CCDC141: variants seen among roughly 807,000 people sequenced by gnomAD.
The protein encoded by CCDC141 is coiled-coil domain-containing protein 141.
Under a neutral mutation model 181.0 loss-of-function variants are expected in CCDC141, and 168 were observed. The ratio of observed to expected loss-of-function variants is 0.93; its 90% CI spans 0.82 to 1.05. CCDC141 has a LOEUF of 1.05. Ranked by LOEUF, CCDC141 falls within the 50% of genes least tolerant of loss-of-function variation. The pLI is 0.00. For missense variants in CCDC141, 1,902 were observed against 1,788.5 expected (o/e 1.06, Z -1.14); for synonymous variants, 666 against 642.3 (o/e 1.04, Z -0.56).
At chr2:178,990,179 A>G (rs1691981388) in intron 2 of CCDC141, among the ~76,000 whole-genome samples, 1 of 151,752 alleles carries the variant, frequency 6.6e-6, no homozygotes, top group Non-Finnish European at 1.5e-5. Context: ...GAAAAATAAC[A>G]ATTGTTGGCA....
At chr2:178,916,836 A>T (rs767299135) in intron 7 of CCDC141, among the ~76,000 whole-genome samples, 41 of 152,192 alleles carry the variant, frequency 2.7e-4, no homozygotes, top group Non-Finnish European at 4.4e-4. Context: ...TGGGGAATCT[A>T]GAAATCGAAA....
chr2:178,916,591 A>C (rs1688458311), intron 7 of CCDC141, among the ~76,000 whole-genome samples: 1 of 152,098 alleles, frequency 6.6e-6, no homozygotes, highest in Non-Finnish European at 1.5e-5. Context: ...TTAAACATCT[A>C]CATTCCAAAC....
intron 4 of CCDC141, among the ~76,000 whole-genome samples, chr2:178,972,497 T>TCA (rs1690938551): frequency 6.6e-6 from 1 of 151,876 alleles, no homozygotes; most frequent in East Asian, 1.9e-4. Flanking sequence ...ATAGAGGGAG[T>TCA]CACCAACGAA....
chr2:178,877,872 C>G, intron 12 of CCDC141, 92 bp downstream of exon 12: 2 of 1,237,102 alleles, frequency 1.6e-6, no homozygotes, highest in Non-Finnish European at 2.4e-6. Context: ...GAGAGAACTG[C>G]TGATTAATAG....
At chr2:178,937,209 A>G (rs780362653) in intron 6 of CCDC141, among the ~76,000 whole-genome samples, 12 of 152,164 alleles carry the variant, frequency 7.9e-5, no homozygotes, top group Non-Finnish European at 1.8e-4. Flanking sequence ...CCCATTCAGT[A>G]TAATGTTGGC....
At position 178,872,196 on chromosome 2, in the gene CCDC141, A is replaced by T; in HGVS notation, c.2016T>A (p.Leu672=). The T allele has an allele frequency of 6.2e-7, 1 of 1,613,902 alleles. No individual in the cohort carries two copies. The highest frequency in any genetic ancestry group is 8.5e-7 in the Non-Finnish European group (1 of 1,179,952). Residue 672 remains leucine (L), a synonymous_variant, in exon 13 of 24, where the codon CTT becomes CTA. Coordinates refer to ENST00000443758, the MANE Select transcript of CCDC141 (RefSeq NM_173648.4). ...ELSLLRLAWQ[L]KATESKPGKQ... ...TTCCAGGCTTGCTTTCCGTGGCTTTAAGCTGCCATGCCAGCCGAAGGAGGC... is the reference window on the plus strand; with the variant it reads ...TTCCAGGCTTGCTTTCCGTGGCTTTTAGCTGCCATGCCAGCCGAAGGAGGC...
At chr2:178,826,910 T>C (rs952163413), downstream of CCDC141, among the ~76,000 whole-genome samples, 1 of 152,072 alleles carries the variant, frequency 6.6e-6, no homozygotes, top group African/African-American at 2.4e-5. Context: ...TGCTATAGGC[T>C]TAAACCACTT....
At chr2:178,906,712 C>G (rs576877762) in intron 7 of CCDC141, among the ~76,000 whole-genome samples, 8 of 152,232 alleles carry the variant, frequency 5.3e-5, no homozygotes, top group Non-Finnish European at 8.8e-5. Flanking sequence ...ACAGAAGACT[C>G]TAGGTAAGGA....
chr2:179,029,064 G>A (rs1031285542), intron 2 of CCDC141, among the ~76,000 whole-genome samples: 2 of 151,936 alleles, frequency 1.3e-5, no homozygotes, highest in East Asian at 1.9e-4. Flanking sequence ...ATCTTCATGT[G>A]CCCCATGTGT....
At chr2:178,996,790 T>A (rs1692307901) in intron 2 of CCDC141, among the ~76,000 whole-genome samples, 1 of 152,204 alleles carries the variant, frequency 6.6e-6, no homozygotes, top group African/African-American at 2.4e-5. Context: ...ACCCTCTGGA[T>A]TTAATTTGAT....
intron 2 of CCDC141, among the ~76,000 whole-genome samples, chr2:178,987,406 G>A (rs1422769718): frequency 2.0e-5 from 3 of 152,018 alleles, no homozygotes; most frequent in African/African-American, 7.2e-5. Flanking sequence ...ACATAGGCAT[G>A]TGCAAGGACT....
chr2:179,019,310 C>T (rs1461373842), intron 2 of CCDC141, among the ~76,000 whole-genome samples: 3 of 152,052 alleles, frequency 2.0e-5, no homozygotes, highest in African/African-American at 7.2e-5. Flanking sequence ...AAGTGAAGCA[C>T]CTTTATATTT....
chr2:179,010,911 C>A (rs2042250643), intron 2 of CCDC141, among the ~76,000 whole-genome samples: 1 of 152,124 alleles, frequency 6.6e-6, no homozygotes, highest in Non-Finnish European at 1.5e-5. Flanking sequence ...GTAATCCCAG[C>A]ACTTTGGGAG....
At chr2:178,916,544 T>G (rs1688455996) in intron 7 of CCDC141, among the ~76,000 whole-genome samples, 1 of 151,924 alleles carries the variant, frequency 6.6e-6, no homozygotes, top group Non-Finnish European at 1.5e-5. Flanking sequence ...TTATTTTACT[T>G]AATAACATAG....
chr2:179,047,191 C>A, intron 2 of CCDC141, 93 bp downstream of exon 2: 2 of 1,196,342 alleles, frequency 1.7e-6, no homozygotes, highest in Non-Finnish European at 2.2e-6. Context: ...TAAAGTGGCC[C>A]TAGGCCAGTA....
At chr2:178,862,063 A>G (rs1261285831) in intron 17 of CCDC141, among the ~76,000 whole-genome samples, 1 of 152,184 alleles carries the variant, frequency 6.6e-6, no homozygotes, top group African/African-American at 2.4e-5. Context: ...TGTCTATAGC[A>G]ACACTATTCC....
intron 11 of CCDC141, among the ~76,000 whole-genome samples, chr2:178,882,643 A>C (rs916995512): frequency 2.7e-4 from 41 of 152,142 alleles, no homozygotes; most frequent in African/African-American, 9.4e-4. Flanking sequence ...ATAGAAACTA[A>C]GGTGAGATGC....
intron 13 of CCDC141, 84 bp from the exon 14 acceptor site, chr2:178,871,636 T>G (rs1360419650): frequency 6.8e-7 from 1 of 1,471,636 alleles, no homozygotes; most frequent in East Asian, 2.4e-5. Flanking sequence ...ACGCAGAGTG[T>G]GATCAAATTT....
chr2:178,871,698 C>A (rs1686128096), intron 13 of CCDC141, 146 bp from the exon 14 acceptor site: 1 of 938,840 alleles, frequency 1.1e-6, no homozygotes, highest in Non-Finnish European at 1.6e-6. Context: ...GGGTTCTAAA[C>A]CACCAAGAAG....
Sources: gnomAD v4.1 joint callset for allele counts (sites outside exome capture counted in the v4.1 genomes callset) on GRCh38, gnomAD v4.1.1 for gene constraint, MANE v1.5 for transcripts, NCBI Gene and HGNC (gene_info 2026-07-23, HGNC 2026-07-21) for gene names.